The following ENAM variants were observed in gnomAD, a reference collection of about 807,000 sequenced individuals.
The protein encoded by ENAM is amelogenesis imperfecta 2, hypocalcification (autosomal dominant).
A neutral mutation model predicts 33.6 loss-of-function variants in ENAM; 21 were observed. The ratio of observed to expected loss-of-function variants is 0.63; its 90% CI spans 0.44 to 0.90. The LOEUF is 0.90. ENAM is among the 40% of genes least tolerant of loss of function. ENAM has a pLI of 0.00. For synonymous variants in ENAM, 473 were observed against 468.4 expected, an observed-to-expected ratio of 1.01 and a Z score of -0.13; for missense variants, 1,388 against 1,366.9, an observed-to-expected ratio of 1.02 and a Z score of -0.24.
chr4:70,642,171 A>C lies in ENAM; in HGVS notation c.745A>C (p.Thr249Pro), dbSNP rs772097767. 1.9e-6 allele frequency: 3 copies of C among 1,614,198 alleles called. No homozygotes were observed. Among genetic ancestry groups the C allele is most frequent in the Non-Finnish European group, 2.5e-6 (3 of 1,180,028 alleles). The change falls in exon 9 of 9, where the codon ACT (threonine) becomes CCT (proline). Residue 249 changes from threonine (T) to proline (P), a missense_variant. Transcript: ENST00000396073. ...AGAACCCACAGCTAATTCAACAGTCACTGAGACGAATTCTACCCAACCAAA... is the reference window on the plus strand; with the variant it reads ...AGAACCCACAGCTAATTCAACAGTCCCTGAGACGAATTCTACCCAACCAAA... Reference protein sequence around the residue: ...GTEPTANSTVTETNSTQPNPK... With the variant: ...GTEPTANSTVPETNSTQPNPK...
At chr4:70,633,339 C>T (rs1177299034) in intron 5 of ENAM, among the ~76,000 whole-genome samples, 2 of 152,120 alleles carry the variant, frequency 1.3e-5, no homozygotes, top group African/African-American at 4.8e-5. Context: ...TCTTTTAAAG[C>T]TCTTTGCCTA....
chr4:70,629,277 T>C (rs1215833631), intron 1 of ENAM, among the ~76,000 whole-genome samples, 164 bp from the exon 2 acceptor site: 1 of 152,126 alleles, frequency 6.6e-6, no homozygotes, highest in Admixed American at 6.5e-5. Context: ...ATTTCCTCTC[T>C]GATTTAGCTT....
intron 8 of ENAM, among the ~76,000 whole-genome samples, chr4:70,638,101 C>G (rs960555550): frequency 6.6e-6 from 1 of 152,106 alleles, no homozygotes; most frequent in South Asian, 2.1e-4. Context: ...TAAGTGATCT[C>G]TAACTTCCTG....
chr4:70,631,838 C>T lies in ENAM; in HGVS notation c.124-11C>T, dbSNP rs748612079. 4 of 1,613,842 alleles carry T rather than the reference C, an allele frequency of 2.5e-6. No homozygotes were observed. In the African/African-American group the frequency reaches 4.0e-5, roughly 16 times the overall value. ...GTTCTGCATTTGTCACTGACATTCT[C>T]TTACTTCCAGATGCACATGCCCCGA... On this transcript the variant is annotated splice_polypyrimidine_tract_variant and intron_variant, in intron 3 of 8. Transcript: ENST00000396073.
intron 2 of ENAM, among the ~76,000 whole-genome samples, chr4:70,631,297 A>T (rs1029718779): frequency 2.0e-5 from 3 of 152,060 alleles, no homozygotes; most frequent in Non-Finnish European, 4.4e-5. Flanking sequence ...GTAACTAGAA[A>T]CTCAAACCCA....
chr4:70,643,174 A>G lies in ENAM; in HGVS notation c.1748A>G (p.Gln583Arg), dbSNP rs758082517. Residue 583 changes from glutamine (Q) to arginine (R), a missense_variant, in exon 9 of 9, where the codon CAA (glutamine) becomes CGA (arginine). Transcript: ENST00000396073. ...SPPFKEDPGR[Q>R]EEHLPHPSHG... ...CCTTTTAAGGAAGATCCAGGGAGGC[A>G]AGAAGAACATTTACCCCATCCTTCC... is the stretch of plus-strand genomic sequence containing the variant. The G allele has an allele frequency of 4.3e-6, 7 of 1,613,882 alleles. No homozygotes were observed. The highest frequency in any genetic ancestry group is 5.1e-6 in the Non-Finnish European group (6 of 1,179,958).
chr4:70,636,924 G>A (rs1016882359), intron 7 of ENAM, among the ~76,000 whole-genome samples: 5 of 152,196 alleles, frequency 3.3e-5, no homozygotes, highest in Non-Finnish European at 7.3e-5. Context: ...CTAAAGAAAT[G>A]TTAAAGGCCA....
Position 70,643,008 on chromosome 4 carries a change from C to T in ENAM, c.1582C>T (p.Pro528Ser). The change falls in exon 9 of 9, where the codon CCA becomes TCA. Residue 528 changes from proline (P) to serine (S), a missense_variant. Physicochemically the swap from Pro to Ser is moderately conservative, Grantham distance 74. Coordinates refer to ENST00000396073, the MANE Select transcript of ENAM (RefSeq NM_031889.3). ...GATTGTTTTAGGGTCAAGAAGGATG[C>T]CATATGAATCAGAAACTAATCAGTC... ...KGIVLGSRRMPYESETNQSEL... is the reference protein window; with the variant it reads ...KGIVLGSRRMSYESETNQSEL... The T allele has an allele frequency of 1.2e-6, 2 of 1,613,982 alleles. No individual in the cohort carries two copies. The highest frequency in any genetic ancestry group is 2.2e-5 in the East Asian group (1 of 44,872).
chr4:70,643,232 A>G lies in ENAM; in HGVS notation c.1806A>G (p.Glu602=). 1.2e-6 allele frequency: 2 copies of G among 1,613,998 alleles called. No homozygotes were observed. Among genetic ancestry groups the G allele is most frequent in the Non-Finnish European group, 1.7e-6 (2 of 1,179,980 alleles). Reference sequence around the variant, plus strand: ...CTAGAGGAAGTGTTTTCTACCCTGAATATAACCCATATGATCCCAGGGAAA... The same window carrying G: ...CTAGAGGAAGTGTTTTCTACCCTGAGTATAACCCATATGATCCCAGGGAAA... The part of the protein sequence containing the change: ...HGSRGSVFYP[E]YNPYDPRENS... Residue 602 remains glutamate (E), a synonymous_variant, in exon 9 of 9, where the codon GAA becomes GAG. Coordinates refer to ENST00000396073, the MANE Select transcript of ENAM (RefSeq NM_031889.3).
intron 2 of ENAM, among the ~76,000 whole-genome samples, chr4:70,630,715 A>G (rs1392001267): frequency 1.3e-5 from 2 of 150,658 alleles, no homozygotes; most frequent in Middle Eastern, 3.2e-3. Context: ...ATTTCTTCCT[A>G]TTTTCCTGAC....
At chr4:70,633,043 G>T (rs1451082798) in intron 5 of ENAM, among the ~76,000 whole-genome samples, 1 of 152,050 alleles carries the variant, frequency 6.6e-6, no homozygotes, top group African/African-American at 2.4e-5. Context: ...TTGGTGGGGG[G>T]TAAGTTTTAC....
rs1201897143 is a variant in ENAM at position 70,636,731 on chromosome 4, T to G, written c.534+837T>G. ...TTGCAGTGAGCCGAGATCGTGCCAT[T>G]GCACTCCAGCCTAGGTGACAGAGCG... is the stretch of plus-strand genomic sequence containing the variant. On this transcript the variant is annotated intron_variant, in intron 7 of 8. Transcript: ENST00000396073. Among the ~76,000 whole-genome samples, 3 of 151,194 alleles carry G rather than the reference T, an allele frequency of 2.0e-5. No homozygotes were observed. In the East Asian group the frequency reaches 5.8e-4, roughly 29 times the overall value.
At chr4:70,634,658 A>T in intron 6 of ENAM, 90 bp downstream of exon 6, 1 of 1,240,248 alleles carries the variant, frequency 8.1e-7, no homozygotes, top group South Asian at 1.2e-5. Flanking sequence ...ACTTCAATAC[A>T]GGTACTCTGT....
At position 70,642,670 on chromosome 4, in the gene ENAM, C is replaced by T. The variant is rs779308123; in HGVS notation, c.1244C>T (p.Thr415Ile). ...GGGCCAAATAAACACCCTGTAGGAA[C>T]TACTGTTGCCCCACTGGGTCCCAAA... The part of the protein sequence containing the change: ...PQGPNKHPVG[T>I]TVAPLGPKPG... The change falls in exon 9 of 9, where the codon ACT becomes ATT. Residue 415 changes from threonine (T) to isoleucine (I), a missense_variant. Thr to Ile is a moderately conservative substitution (Grantham distance 89). Coordinates refer to ENST00000396073, the MANE Select transcript of ENAM (RefSeq NM_031889.3). 3 of 1,611,826 alleles carry T rather than the reference C, an allele frequency of 1.9e-6. No individual in the cohort carries two copies. The highest frequency in any genetic ancestry group is 2.5e-6 in the Non-Finnish European group (3 of 1,179,250).
In ENAM at chr4:70,641,015, G is replaced by A. The variant is rs72654390; in HGVS notation, c.589-1000G>A. 9.1e-3 allele frequency among the ~76,000 whole-genome samples: 1,380 copies of A among 152,312 alleles called. 14 individuals are homozygous for A. The highest frequency in any genetic ancestry group is 0.051 in the Middle Eastern group (15 of 294). On this transcript the variant is annotated intron_variant, in intron 8 of 8. Coordinates refer to ENST00000396073, the MANE Select transcript of ENAM (RefSeq NM_031889.3). The stretch of plus-strand genomic sequence containing the variant: ...AGAAAACTACTGTAACAGTTCAGGG[G>A]TACTGTGGATTAAGGAAGTGGGAAC...
chr4:70,639,145 T>C (rs2109823552), intron 8 of ENAM, among the ~76,000 whole-genome samples: 1 of 152,254 alleles, frequency 6.6e-6, no homozygotes, highest in East Asian at 1.9e-4. Context: ...AGTAATGGTA[T>C]AAGGCGCTCT....
chr4:70,634,824 C>T (rs1330244099), intron 6 of ENAM, among the ~76,000 whole-genome samples: 1 of 152,164 alleles, frequency 6.6e-6, no homozygotes, highest in African/African-American at 2.4e-5. Flanking sequence ...ACTAATCTAA[C>T]AGTCGAGAAT....
intron 7 of ENAM, chr4:70,637,553 T>TGCC: frequency 1.9e-6 from 1 of 539,270 alleles, no homozygotes; most frequent in Non-Finnish European, 3.3e-6. Flanking sequence ...TACAGAGTAT[T>TGCC]TTAAGTAGGA....
rs375013075 is a variant in ENAM at position 70,644,547 on chromosome 4, G to C, written c.3121G>C (p.Glu1041Gln). ...CATCCAAAGTCAAGTCCAAGAAAATGAGAGTGAGAGGCAACAGCAAAGACC... is the reference window on the plus strand; with the variant it reads ...CATCCAAAGTCAAGTCCAAGAAAATCAGAGTGAGAGGCAACAGCAAAGACC... Reference protein sequence around the residue: ...EGIQSQVQENESERQQQRPSN... With the variant: ...EGIQSQVQENQSERQQQRPSN... Residue 1041 changes from glutamate (E) to glutamine (Q), a missense_variant, in exon 9 of 9, where the codon GAG (glutamate) becomes CAG (glutamine). Transcript: ENST00000396073. The C allele has an allele frequency of 6.2e-7, 1 of 1,613,904 alleles. No individual in the cohort carries two copies. The highest frequency in any genetic ancestry group is 8.5e-7 in the Non-Finnish European group (1 of 1,179,834).
Sources: allele counts gnomAD v4.1 joint callset (sites outside exome capture counted in the v4.1 genomes callset), GRCh38; gene constraint gnomAD v4.1.1; transcripts MANE v1.5; gene names NCBI Gene and HGNC (gene_info 2026-07-23, HGNC 2026-07-21).